TYW1: variants seen among roughly 807,000 people sequenced by gnomAD.
The protein encoded by TYW1 is S-adenosyl-L-methionine-dependent tRNA 4-demethylwyosine synthase TYW1.
A neutral mutation model predicts 96.2 loss-of-function variants in TYW1; 46 were observed. That is an observed-to-expected ratio of 0.48 (90% confidence interval 0.38 to 0.61). The LOEUF (loss-of-function observed/expected upper bound fraction) is 0.61. Ranked by LOEUF, TYW1 falls within the 20% of genes least tolerant of loss-of-function variation. The pLI, the probability that TYW1 is intolerant of heterozygous loss-of-function variation, is 0.00. For synonymous variants in TYW1, 274 were observed against 323.0 expected (o/e 0.85, Z 1.63); for missense variants, 684 against 909.6 (o/e 0.75, Z 3.19).
intron 11 of TYW1, among the ~76,000 whole-genome samples, chr7:67,096,877 A>G (rs1796937925): frequency 1.3e-5 from 2 of 152,184 alleles, no homozygotes; most frequent in African/African-American, 2.4e-5. Context: ...AGGACAGCAT[A>G]TCTTGTAATG....
intron 7 of TYW1, among the ~76,000 whole-genome samples, chr7:67,042,597 A>AG (rs1026850634): frequency 6.6e-6 from 1 of 152,074 alleles, no homozygotes; most frequent in Admixed American, 6.6e-5. Flanking sequence ...CCTGCAGTGG[A>AG]GGGGGCTGAG....
chr7:67,084,850 T>C (rs1796498818), intron 11 of TYW1, among the ~76,000 whole-genome samples: 1 of 152,170 alleles, frequency 6.6e-6, no homozygotes, highest in African/African-American at 2.4e-5. Context: ...GTTGATGTTG[T>C]TCAACTGGGG....
intron 7 of TYW1, among the ~76,000 whole-genome samples, chr7:67,029,619 G>A: frequency 6.6e-6 from 1 of 151,906 alleles, no homozygotes. Context: ...CCTGCTGGAA[G>A]TCTCACGGCT....
chr7:67,177,037 C>T (rs1799694285), intron 13 of TYW1, among the ~76,000 whole-genome samples: 1 of 152,092 alleles, frequency 6.6e-6, no homozygotes, highest in Admixed American at 6.6e-5. Flanking sequence ...TGTAGAGCAA[C>T]AGTAATTAAA....
intron 11 of TYW1, chr7:67,089,167 C>G: frequency 2.0e-6 from 1 of 511,650 alleles, no homozygotes; most frequent in Non-Finnish European, 3.3e-6. Flanking sequence ...GAGGCCCCAG[C>G]CCCACAACCC....
At chr7:67,165,121 A>T (rs1237780035) in intron 13 of TYW1, among the ~76,000 whole-genome samples, 16 of 152,062 alleles carry the variant, frequency 1.1e-4, no homozygotes, top group Admixed American at 9.8e-4. Context: ...AGCACTGAAT[A>T]TTGCTGTTTA....
chr7:67,012,723 A>G (rs556037714), intron 4 of TYW1, among the ~76,000 whole-genome samples: 19 of 152,268 alleles, frequency 1.2e-4, no homozygotes, highest in Non-Finnish European at 2.2e-4. Context: ...GACCTCCTGT[A>G]ATGGGTCAAG....
At chr7:67,118,931 A>C (rs1342305589) in intron 13 of TYW1, among the ~76,000 whole-genome samples, 2 of 149,926 alleles carry the variant, frequency 1.3e-5, no homozygotes, top group Non-Finnish European at 3.0e-5. Context: ...GTATACATTT[A>C]AATATGAAGT....
chr7:67,073,084 C>CT, intron 10 of TYW1, among the ~76,000 whole-genome samples: 1 of 151,678 alleles, frequency 6.6e-6, no homozygotes, highest in East Asian at 1.9e-4. Flanking sequence ...ATACCATATT[C>CT]TTTTACTTGT....
chr7:67,096,945 A>G (rs1309411547), intron 11 of TYW1, among the ~76,000 whole-genome samples: 1 of 152,150 alleles, frequency 6.6e-6, no homozygotes, highest in Non-Finnish European at 1.5e-5. Context: ...CTGGAATCAC[A>G]CGGAGAGCCC....
intron 12 of TYW1, among the ~76,000 whole-genome samples, chr7:67,101,225 G>C (rs1267961472): frequency 1.3e-5 from 2 of 152,150 alleles, no homozygotes; most frequent in African/African-American, 4.8e-5. Context: ...TGAGAGTGAA[G>C]TTTGGCAGTT....
chr7:67,178,312 A>AT (rs1222442166), intron 13 of TYW1, among the ~76,000 whole-genome samples: 1 of 152,252 alleles, frequency 6.6e-6, no homozygotes, highest in East Asian at 1.9e-4. Context: ...ATAAAGATGT[A>AT]TTTATGGTGA....
intron 13 of TYW1, among the ~76,000 whole-genome samples, chr7:67,129,180 A>C (rs1797991986): frequency 6.6e-6 from 1 of 152,330 alleles, no homozygotes; most frequent in African/African-American, 2.4e-5. Flanking sequence ...AGGCTCTGAT[A>C]AAACCAAGCA....
intron 9 of TYW1, among the ~76,000 whole-genome samples, chr7:67,061,285 G>A (rs1795686141): frequency 6.6e-6 from 1 of 152,156 alleles, no homozygotes; most frequent in African/African-American, 2.4e-5. Flanking sequence ...CTGGAGAATT[G>A]TGACCAAGTA....
At chr7:67,189,501 G>A (rs1188892305) in intron 14 of TYW1, among the ~76,000 whole-genome samples, 2 of 150,416 alleles carry the variant, frequency 1.3e-5, no homozygotes, top group Non-Finnish European at 2.9e-5. Context: ...CAGATCTGGG[G>A]TCTCCCATAG....
chr7:67,178,541 C>T (rs917910740), intron 13 of TYW1, among the ~76,000 whole-genome samples: 1 of 152,098 alleles, frequency 6.6e-6, no homozygotes, highest in African/African-American at 2.4e-5. Context: ...TGGACATAAT[C>T]CAAATGTTTA....
chr7:67,107,042 A>C (rs1253455324), intron 12 of TYW1, among the ~76,000 whole-genome samples: 1 of 152,188 alleles, frequency 6.6e-6, no homozygotes, highest in African/African-American at 2.4e-5. Context: ...TTGCTGAGAC[A>C]TTCACCCCAT....
rs142198795 is a variant in TYW1, at chr7:67,191,468, G to A, written c.1810-3702G>A. On this transcript the variant is annotated intron_variant, in intron 14 of 15. Transcript: ENST00000359626. ...AGTGACTTGGCTTTTCCATCACCAC[G>A]CTGTACCCATCTATTTTCTTCAGAC... Among the ~76,000 whole-genome samples, 17 of 151,840 alleles carry A rather than the reference G, an allele frequency of 1.1e-4. No individual in the cohort carries two copies. In the East Asian group the frequency reaches 2.3e-3, roughly 21 times the overall value.
At chr7:67,009,000 T>C (rs1793697314) in intron 3 of TYW1, among the ~76,000 whole-genome samples, 1 of 152,110 alleles carries the variant, frequency 6.6e-6, no homozygotes, top group African/African-American at 2.4e-5. Context: ...TCTGTGTTTA[T>C]TGTTTTTTAA....
Sources: gnomAD v4.1 joint callset for allele counts (sites outside exome capture counted in the v4.1 genomes callset) on GRCh38, gnomAD v4.1.1 for gene constraint, MANE v1.5 for transcripts, NCBI Gene and HGNC (gene_info 2026-07-23, HGNC 2026-07-21) for gene names.